Variants in PRDM16 observed in about 807,000 individuals in gnomAD.
The protein encoded by PRDM16 is PR/SET domain 16.
In PRDM16, 23 loss-of-function variants were observed where a neutral mutation model predicts 110.6. The ratio of observed to expected loss-of-function variants is 0.21; its 90% confidence interval spans 0.15 to 0.29. PRDM16 has a LOEUF of 0.29. Ranked by LOEUF, PRDM16 falls within the 10% of genes least tolerant of loss-of-function variation. PRDM16 has a pLI of 1.00. For synonymous variants in PRDM16, 799 were observed against 781.8 expected (o/e 1.02, Z -0.37); for missense variants, 1,615 against 1,794.3 (o/e 0.90, Z 1.81).
chr1:3,074,636 G>A (rs571929037), intron 1 of PRDM16, among the ~76,000 whole-genome samples: 1 of 152,334 alleles, frequency 6.6e-6, no homozygotes, highest in South Asian at 2.1e-4. Flanking sequence ...GGCAGGCACA[G>A]AGGAGCAGAA....
At chr1:3,221,680 G>T (rs1639153485) in intron 2 of PRDM16, among the ~76,000 whole-genome samples, 1 of 152,302 alleles carries the variant, frequency 6.6e-6, no homozygotes, top group Non-Finnish European at 1.5e-5. Context: ...TCCACCCTGG[G>T]CATGTGGGAC....
At chr1:3,099,303 C>G in intron 1 of PRDM16, among the ~76,000 whole-genome samples, 1 of 152,366 alleles carries the variant, frequency 6.6e-6, no homozygotes, top group African/African-American at 2.4e-5. Flanking sequence ...CTGCCTAGAA[C>G]TCCTATTCCT....
chr1:3,264,738 C>T lies in PRDM16; in HGVS notation c.438+20601C>T, dbSNP rs550952102. Among the ~76,000 whole-genome samples, 29 of 151,720 alleles carry T rather than the reference C, an allele frequency of 1.9e-4. No individual in the cohort carries two copies. In the South Asian group the frequency reaches 3.5e-3, roughly 19 times the overall value. ...GGAGGGGGCTTGCAGGTCCCATGTGCGTGAGTCCCTGGGGTGCTGACAGGA... is the reference window on the plus strand; with the variant it reads ...GGAGGGGGCTTGCAGGTCCCATGTGTGTGAGTCCCTGGGGTGCTGACAGGA... On this transcript the variant is annotated intron_variant, in intron 3 of 16. Coordinates refer to ENST00000270722, the MANE Select transcript of PRDM16 (RefSeq NM_022114.4).
intron 3 of PRDM16, among the ~76,000 whole-genome samples, chr1:3,271,927 A>G (rs1640464983): frequency 1.3e-5 from 2 of 152,200 alleles, no homozygotes; most frequent in Non-Finnish European, 2.9e-5. Flanking sequence ...CAGGTAGGAT[A>G]AGGTGCCTGA....
At chr1:3,327,307 C>A (rs532148005) in intron 3 of PRDM16, among the ~76,000 whole-genome samples, 1 of 152,156 alleles carries the variant, frequency 6.6e-6, no homozygotes, top group Non-Finnish European at 1.5e-5. Flanking sequence ...CACCACAGGC[C>A]GGCTGGAGAG....
At chr1:3,172,548 C>A (rs77141019) in intron 1 of PRDM16, among the ~76,000 whole-genome samples, 7,974 of 152,290 alleles carry the variant, frequency 0.052, 228 homozygotes, top group Admixed American at 0.072. Flanking sequence ...GGACACACCA[C>A]AGTGTCCATC....
At chr1:3,224,005 T>C (rs964389812) in intron 2 of PRDM16, among the ~76,000 whole-genome samples, 1 of 152,212 alleles carries the variant, frequency 6.6e-6, no homozygotes, top group Non-Finnish European at 1.5e-5. Flanking sequence ...AGGAAATCTA[T>C]GGCACCGATC....
intron 1 of PRDM16, among the ~76,000 whole-genome samples, chr1:3,109,516 A>G (rs1642737935): frequency 6.6e-6 from 1 of 152,200 alleles, no homozygotes; most frequent in Non-Finnish European, 1.5e-5. Context: ...ACTGCCCTTT[A>G]ATAACTGTCT....
chr1:3,178,731 C>T (rs1644118409), intron 1 of PRDM16, among the ~76,000 whole-genome samples: 1 of 152,190 alleles, frequency 6.6e-6, no homozygotes, highest in African/African-American at 2.4e-5. Context: ...GGCCCTGCTC[C>T]TTGAGGGCAC....
chr1:3,324,377 A>T (rs1252537854), intron 3 of PRDM16, among the ~76,000 whole-genome samples: 1 of 151,780 alleles, frequency 6.6e-6, no homozygotes, highest in Non-Finnish European at 1.5e-5. Flanking sequence ...CCCTCAAAAG[A>T]CTTCCTAAAC....
intron 3 of PRDM16, among the ~76,000 whole-genome samples, chr1:3,356,574 C>T (rs1025598165): frequency 6.6e-6 from 1 of 152,216 alleles, no homozygotes; most frequent in Non-Finnish European, 1.5e-5. Flanking sequence ...GCCGCAGCTG[C>T]CAAGACAGCC....
chr1:3,117,979 TGTGTGTACATGCACGC>T (rs1223195893), intron 1 of PRDM16, among the ~76,000 whole-genome samples: 1 of 152,056 alleles, frequency 6.6e-6, no homozygotes, highest in Non-Finnish European at 1.5e-5. Context: ...TCATGCTGTG[TGTGTGTACATGCACGC>T]GTGTGTGCGT....
chr1:3,393,467 A>G (rs937009819), intron 4 of PRDM16, among the ~76,000 whole-genome samples: 17 of 152,248 alleles, frequency 1.1e-4, no homozygotes, highest in African/African-American at 4.1e-4. Flanking sequence ...AGCAGACGGC[A>G]GGAATGTGTA....
In PRDM16 at chr1:3,425,331, G is replaced by T; in HGVS notation, c.2940-250G>T. On this transcript the variant is annotated intron_variant, in intron 12 of 16. Coordinates refer to ENST00000270722, the MANE Select transcript of PRDM16 (RefSeq NM_022114.4). The surrounding 1 kb of genome is among the most constrained non-coding windows in gnomAD (Gnocchi z 6.9). ...CTGACCTCGTGATCCACCCGCCTTG[G>T]CCTCCCAAAGTGCTGTGATTATAGG... 2.7e-6 allele frequency: 1 copy of T among 373,806 alleles called. No homozygotes were observed. Among genetic ancestry groups the T allele is most frequent in the Admixed American group, 4.3e-5 (1 of 23,504 alleles). The allele number at this position is 373,806 out of a possible 1,614,324, so 23.2% of individuals were successfully genotyped here.
chr1:3,215,662 C>T (rs1003972293), intron 2 of PRDM16, among the ~76,000 whole-genome samples: 1 of 152,200 alleles, frequency 6.6e-6, no homozygotes, highest in Non-Finnish European at 1.5e-5. Context: ...TGGCTCCAGG[C>T]CACCCCTCCC....
intron 2 of PRDM16, among the ~76,000 whole-genome samples, chr1:3,233,908 G>C (rs1343384368): frequency 6.6e-6 from 1 of 151,738 alleles, no homozygotes; most frequent in Non-Finnish European, 1.5e-5. Context: ...AAAAAAAGGT[G>C]GGGGGAAATT....
intron 3 of PRDM16, among the ~76,000 whole-genome samples, chr1:3,257,856 C>G (rs1640084744): frequency 1.3e-5 from 2 of 152,094 alleles, no homozygotes; most frequent in South Asian, 4.1e-4. Flanking sequence ...CTTGAGCATC[C>G]TTGGATTTGG....
At chr1:3,194,695 C>T (rs1004110108) in intron 2 of PRDM16, among the ~76,000 whole-genome samples, 5 of 148,820 alleles carry the variant, frequency 3.4e-5, no homozygotes, top group African/African-American at 7.4e-5. Context: ...CACACGCCAT[C>T]GTCTCCCCGC....
At chr1:3,354,942 A>C (rs942019109) in intron 3 of PRDM16, among the ~76,000 whole-genome samples, 62 of 152,200 alleles carry the variant, frequency 4.1e-4, no homozygotes, top group African/African-American at 1.1e-3. Flanking sequence ...TGCTGAAGGG[A>C]GTGGGGTCAG....
Sources: allele counts gnomAD v4.1 joint callset (sites outside exome capture counted in the v4.1 genomes callset), GRCh38; gene constraint gnomAD v4.1.1; non-coding constraint Gnocchi (gnomAD v3.1); transcripts MANE v1.5; gene names NCBI Gene and HGNC (gene_info 2026-07-23, HGNC 2026-07-21).